AGBL4: variants seen among roughly 807,000 people sequenced by gnomAD.
AGBL4 encodes AGBL carboxypeptidase 4.
In AGBL4, 58 loss-of-function variants were observed where a neutral mutation model predicts 66.4. That is an observed-to-expected ratio of 0.87 (90% CI 0.71 to 1.09). The LOEUF is 1.09. Ranked by LOEUF, AGBL4 falls within the 50% of genes least tolerant of loss-of-function variation. The probability of loss-of-function intolerance (pLI) is 0.00; values close to 1 mark genes in which losing one functional copy is unlikely to be tolerated. For missense variants in AGBL4, 579 were observed against 631.0 expected (o/e 0.92, Z 0.88); for synonymous variants, 234 against 222.9 (o/e 1.05, Z -0.44).
Position 48,534,289 on chromosome 1 carries a change from C to A in AGBL4, c.1396G>T (p.Glu466Ter), listed in dbSNP as rs1310434151. The change falls in exon 14 of 14, where the codon GAA (glutamate) becomes TAA (stop). Residue 466 changes from glutamate to a stop codon, truncating the protein, a stop_gained. Coordinates refer to ENST00000371839, the MANE Select transcript of AGBL4 (RefSeq NM_032785.4). LOFTEE classifies it high-confidence loss of function. ...GGGTGCTTGTAAGGAGGGGATTTTT[C>A]TTTCCTGCAAAGGGGGAGATAACAG... ...NKEIEVQRRK[E>*]KSPPYKHPLL... 9.0e-6 allele frequency: 14 copies of A among 1,550,086 alleles called. No individual in the cohort carries two copies. The highest frequency in any genetic ancestry group is 1.2e-5 in the Non-Finnish European group (14 of 1,146,420).
At chr1:49,550,038 C>T (rs934080849) in intron 3 of AGBL4, among the ~76,000 whole-genome samples, 1 of 151,944 alleles carries the variant, frequency 6.6e-6, no homozygotes, top group Non-Finnish European at 1.5e-5. Context: ...ACATAATGTC[C>T]CTCTTTGTCT....
chr1:48,894,182 T>G (rs950084738), intron 5 of AGBL4, among the ~76,000 whole-genome samples: 1 of 152,238 alleles, frequency 6.6e-6, no homozygotes, highest in African/African-American at 2.4e-5. Context: ...ATGATGAAGA[T>G]TTAGCTATAA....
intron 4 of AGBL4, among the ~76,000 whole-genome samples, chr1:49,051,316 T>TG (rs78309193): frequency 0.11 from 16,379 of 152,126 alleles, 1,261 homozygotes; most frequent in African/African-American, 0.23. Flanking sequence ...TCTCAATAGC[T>TG]TGCTATCCGT....
intron 2 of AGBL4, among the ~76,000 whole-genome samples, chr1:49,847,953 G>A (rs1018442973): frequency 6.6e-6 from 1 of 152,206 alleles, no homozygotes; most frequent in African/African-American, 2.4e-5. Context: ...CGCCCGCCTG[G>A]GCCTCCCAAA....
rs374011562 is a variant in AGBL4, at chr1:48,804,295, G to C, written c.634+62896C>G. On this transcript the variant is annotated intron_variant, in intron 6 of 13. Coordinates refer to ENST00000371839, the MANE Select transcript of AGBL4 (RefSeq NM_032785.4). ...ATTTCTAAAAGGTATCCCATTACAG[G>C]GTTGTCTGTAGATAAAGCATGAGCT... Among the ~76,000 whole-genome samples the C allele has an allele frequency of 5.3e-4, 80 of 152,248 alleles. 1 individual carries two copies. The South Asian group carries it at 0.01, about 19-fold the overall frequency.
intron 3 of AGBL4, among the ~76,000 whole-genome samples, chr1:49,275,432 C>T (rs1229039697): frequency 6.6e-6 from 1 of 152,126 alleles, no homozygotes; most frequent in Non-Finnish European, 1.5e-5. Context: ...AATGTCTAAT[C>T]TGAGATTCCT....
chr1:48,744,906 T>C (rs1650494035), intron 6 of AGBL4, among the ~76,000 whole-genome samples: 1 of 152,230 alleles, frequency 6.6e-6, no homozygotes, highest in South Asian at 2.1e-4. Context: ...CGCTGAACAC[T>C]ACCTCATCTG....
chr1:48,540,583 T>C (rs1644050311), intron 11 of AGBL4, among the ~76,000 whole-genome samples: 1 of 152,196 alleles, frequency 6.6e-6, no homozygotes, highest in Non-Finnish European at 1.5e-5. Context: ...TTCCCAGAAC[T>C]GTGATTCGTG....
intron 4 of AGBL4, among the ~76,000 whole-genome samples, chr1:49,208,884 T>C (rs1195055450): frequency 6.6e-6 from 1 of 152,054 alleles, no homozygotes; most frequent in Non-Finnish European, 1.5e-5. Flanking sequence ...GGCATGCATA[T>C]ACGCAAACAC....
intron 9 of AGBL4, among the ~76,000 whole-genome samples, chr1:48,630,926 G>A (rs1329420541): frequency 1.3e-5 from 2 of 152,050 alleles, no homozygotes; most frequent in African/African-American, 2.4e-5. Flanking sequence ...ATCAGCCCAG[G>A]TGTTGCCTCC....
intron 3 of AGBL4, among the ~76,000 whole-genome samples, chr1:49,395,360 C>T (rs750733468): frequency 5.9e-5 from 9 of 151,386 alleles, no homozygotes; most frequent in African/African-American, 9.7e-5. Flanking sequence ...TGGTTTAATG[C>T]CTGGAACATG....
chr1:49,214,185 A>T (rs1232076167), intron 4 of AGBL4, among the ~76,000 whole-genome samples: 1 of 152,120 alleles, frequency 6.6e-6, no homozygotes, highest in Non-Finnish European at 1.5e-5. Flanking sequence ...GGTAGGGCTT[A>T]TAATTTATTT....
intron 1 of AGBL4, among the ~76,000 whole-genome samples, chr1:50,012,159 C>A (rs1257016815): frequency 1.4e-5 from 2 of 143,766 alleles, no homozygotes; most frequent in Admixed American, 1.4e-4. Context: ...GAGCGAGACT[C>A]CGTCTCAAAA....
chr1:49,895,149 T>G (rs565768511), intron 1 of AGBL4, among the ~76,000 whole-genome samples: 60 of 150,364 alleles, frequency 4.0e-4, no homozygotes, highest in Non-Finnish European at 7.5e-4. Flanking sequence ...CCTAGAATAG[T>G]ATATTTAGCA....
chr1:49,310,915 C>T (rs1169499113), intron 3 of AGBL4, among the ~76,000 whole-genome samples: 1 of 151,928 alleles, frequency 6.6e-6, no homozygotes, highest in Non-Finnish European at 1.5e-5. Flanking sequence ...TGTACAAAGC[C>T]ATATAGTGCA....
intron 7 of AGBL4, among the ~76,000 whole-genome samples, chr1:48,655,407 C>T (rs1646004251): frequency 6.6e-6 from 1 of 152,036 alleles, no homozygotes; most frequent in African/African-American, 2.4e-5. Flanking sequence ...CCATCCTGGC[C>T]AAAGACCAAA....
intron 5 of AGBL4, among the ~76,000 whole-genome samples, chr1:49,040,437 A>G (rs1643908591): frequency 6.6e-6 from 1 of 152,066 alleles, no homozygotes; most frequent in Non-Finnish European, 1.5e-5. Context: ...GAACAATAAC[A>G]TATTTCCTAA....
At chr1:49,169,663 C>T (rs486377) in intron 4 of AGBL4, among the ~76,000 whole-genome samples, 101,127 of 152,004 alleles carry the variant, frequency 0.67, 34,170 homozygotes, top group Middle Eastern at 0.73. Flanking sequence ...GGGATGAAGT[C>T]TAAATCCATG....
At chr1:48,581,314 C>T (rs1644736829) in intron 11 of AGBL4, among the ~76,000 whole-genome samples, 1 of 152,162 alleles carries the variant, frequency 6.6e-6, no homozygotes, top group African/African-American at 2.4e-5. Flanking sequence ...ATCTCAGCAT[C>T]TTCTCTTGAC....
Sources: allele counts gnomAD v4.1 joint callset (sites outside exome capture counted in the v4.1 genomes callset), GRCh38; gene constraint gnomAD v4.1.1; transcripts MANE v1.5; gene names NCBI Gene and HGNC (gene_info 2026-07-23, HGNC 2026-07-21).